SYNPR: variants seen among roughly 807,000 people sequenced by gnomAD.
SYNPR encodes the protein synaptoporin.
In SYNPR, 23 loss-of-function variants were observed where a neutral mutation model predicts 32.9. That is an observed-to-expected ratio of 0.70 (90% CI 0.50 to 0.99). The LOEUF (loss-of-function observed/expected upper bound fraction) is 0.99. Ranked by LOEUF, SYNPR falls within the 50% of genes least tolerant of loss-of-function variation. The pLI is 0.00. For missense variants in SYNPR, 318 were observed against 349.3 expected (o/e 0.91, Z 0.71); for synonymous variants, 146 against 135.9 (o/e 1.07, Z -0.52).
intron 4 of SYNPR, among the ~76,000 whole-genome samples, chr3:63,557,005 C>T (rs1321036444): frequency 6.6e-6 from 1 of 152,158 alleles, no homozygotes; most frequent in Non-Finnish European, 1.5e-5. Flanking sequence ...AAGGAAAGAG[C>T]AGTGAAGCTT....
intron 3 of SYNPR, among the ~76,000 whole-genome samples, chr3:63,514,585 C>T (rs1701760100): frequency 6.6e-6 from 1 of 152,152 alleles, no homozygotes; most frequent in African/African-American, 2.4e-5. Context: ...CTAGGAAGAA[C>T]ATATGACTAG....
chr3:63,272,383 C>A (rs1380068200), intron 3 of SYNPR, among the ~76,000 whole-genome samples: 1 of 152,128 alleles, frequency 6.6e-6, no homozygotes, highest in Non-Finnish European at 1.5e-5. Flanking sequence ...CTTGTGTCAA[C>A]ACCTTTATGC....
In SYNPR at chr3:63,331,666, T is replaced by A. The variant is rs74875909; in HGVS notation, c.84+52924T>A. 4.9e-3 allele frequency among the ~76,000 whole-genome samples: 739 copies of A among 152,158 alleles called. 4 individuals are homozygous for A. Among genetic ancestry groups the A allele is most frequent in the African/African-American group, 0.016 (670 of 41,536 alleles). On this transcript the variant is annotated intron_variant, in intron 2 of 5. Coordinates refer to ENST00000478300, the MANE Select transcript of SYNPR (RefSeq NM_001130003.2). ...CTTTTACTTGAGGAACTTAAAAAAA[T>A]TATTTACAGGATGTGAACCTGCTAT...
At chr3:63,534,770 T>C (rs1702172812) in intron 3 of SYNPR, among the ~76,000 whole-genome samples, 1 of 152,086 alleles carries the variant, frequency 6.6e-6, no homozygotes. Flanking sequence ...TGAGGTAACG[T>C]GGTGACAGAG....
chr3:63,232,336 G>A (rs889481097), intron 1 of SYNPR, among the ~76,000 whole-genome samples: 1 of 151,310 alleles, frequency 6.6e-6, no homozygotes, highest in Admixed American at 6.6e-5. Flanking sequence ...CAGGTAGCTG[G>A]GATTACAGGT....
chr3:63,406,943 C>G (rs544856881), intron 2 of SYNPR, among the ~76,000 whole-genome samples: 2 of 152,228 alleles, frequency 1.3e-5, no homozygotes, highest in Admixed American at 1.3e-4. Flanking sequence ...TGTTGACTAT[C>G]GAGAATCTAA....
intron 2 of SYNPR, among the ~76,000 whole-genome samples, chr3:63,301,539 A>G (rs557194088): frequency 1.3e-5 from 2 of 152,192 alleles, no homozygotes; most frequent in South Asian, 2.1e-4. Context: ...ATCAACATTC[A>G]CTATTTTGAA....
At chr3:63,550,680 G>A (rs1016698549) in intron 3 of SYNPR, among the ~76,000 whole-genome samples, 4 of 152,190 alleles carry the variant, frequency 2.6e-5, no homozygotes, top group Non-Finnish European at 4.4e-5. Context: ...GAAGGAACAG[G>A]TGCATTGGAG....
chr3:63,329,246 C>A (rs1242410363), intron 2 of SYNPR, among the ~76,000 whole-genome samples: 1 of 152,144 alleles, frequency 6.6e-6, no homozygotes, highest in Non-Finnish European at 1.5e-5. Context: ...AGTCACAAAG[C>A]TGGTCACTTA....
chr3:63,330,944 C>CA (rs1434525611), intron 2 of SYNPR, among the ~76,000 whole-genome samples: 4 of 151,692 alleles, frequency 2.6e-5, no homozygotes, highest in South Asian at 2.1e-4. Flanking sequence ...TCTGTTCAGA[C>CA]AAAAAAAATT....
At position 63,338,766 on chromosome 3, in the gene SYNPR, A is replaced by G. The variant is rs139988697; in HGVS notation, c.84+60024A>G. Among the ~76,000 whole-genome samples, 698 of 152,318 alleles carry G rather than the reference A, an allele frequency of 4.6e-3. 4 individuals carry two copies. The highest frequency in any genetic ancestry group is 0.015 in the African/African-American group (625 of 41,572). On this transcript the variant is annotated intron_variant, in intron 2 of 5. Transcript: ENST00000478300. Reference sequence around the variant, plus strand: ...AGAGACAAATACCATGCTGTCCCCAATGAGCACTGTCACTATGCTGTTCAC... The same window carrying G: ...AGAGACAAATACCATGCTGTCCCCAGTGAGCACTGTCACTATGCTGTTCAC...
intron 5 of SYNPR, among the ~76,000 whole-genome samples, chr3:63,614,006 C>T (rs954015161): frequency 1.3e-5 from 2 of 150,716 alleles, no homozygotes; most frequent in Admixed American, 6.7e-5. Context: ...CAAGGCCCAG[C>T]TTCTTGACTA....
chr3:63,566,325 A>G (rs1443310421), intron 4 of SYNPR, among the ~76,000 whole-genome samples: 1 of 152,124 alleles, frequency 6.6e-6, no homozygotes, highest in Non-Finnish European at 1.5e-5. Context: ...ATTTTTGCTA[A>G]TTCATCTTGT....
intron 2 of SYNPR, among the ~76,000 whole-genome samples, chr3:63,377,195 A>G (rs1360743745): frequency 6.6e-6 from 1 of 152,208 alleles, no homozygotes; most frequent in Non-Finnish European, 1.5e-5. Flanking sequence ...AAGAAAGAGC[A>G]CATAAGAAAT....
At chr3:63,606,413 C>G (rs6773091) in intron 4 of SYNPR, among the ~76,000 whole-genome samples, 8 of 63,458 alleles carry the variant, frequency 1.3e-4, no homozygotes, top group Non-Finnish European at 3.0e-4. Flanking sequence ...ACCTCAAATC[C>G]TTTCTTTTTT....
intron 1 of SYNPR, among the ~76,000 whole-genome samples, chr3:63,247,120 A>G (rs182564390): frequency 6.5e-4 from 99 of 152,202 alleles, no homozygotes; most frequent in Middle Eastern, 3.4e-3. Context: ...GCTGAGTTCA[A>G]TAAATGTTAG....
At chr3:63,464,341 T>C (rs1328864913) in intron 2 of SYNPR, among the ~76,000 whole-genome samples, 1 of 152,158 alleles carries the variant, frequency 6.6e-6, no homozygotes, top group Non-Finnish European at 1.5e-5. Context: ...CAAAGGATGG[T>C]CCCTGCCTCA....
chr3:63,386,392 C>A (rs1022794044), intron 2 of SYNPR, among the ~76,000 whole-genome samples: 5 of 152,206 alleles, frequency 3.3e-5, no homozygotes, highest in African/African-American at 1.2e-4. Context: ...TCTTAGAAGG[C>A]ATGGGCAGTG....
intron 5 of SYNPR, among the ~76,000 whole-genome samples, chr3:63,613,610 CAAAAAAAAAAAAAA>C (rs10566584): frequency 8.7e-5 from 4 of 46,052 alleles, no homozygotes; most frequent in South Asian, 1.7e-3. Context: ...TATGCTGCAG[CAAAAAAAAAAAAAA>C]AAAAAAAAAA....
Sources: allele counts gnomAD v4.1 joint callset (sites outside exome capture counted in the v4.1 genomes callset), GRCh38; gene constraint gnomAD v4.1.1; transcripts MANE v1.5; gene names NCBI Gene and HGNC (gene_info 2026-07-23, HGNC 2026-07-21).